NPC1: variants seen among roughly 807,000 people sequenced by gnomAD.
NPC1 encodes the protein Niemann-Pick C1 protein.
Under a neutral mutation model 140.4 loss-of-function variants are expected in NPC1, and 85 were observed. The observed-to-expected ratio is 0.61, with a 90% CI of 0.51 to 0.72. The LOEUF (loss-of-function observed/expected upper bound fraction) is 0.72. Ranked by LOEUF, NPC1 falls within the 30% of genes least tolerant of loss-of-function variation. NPC1 has a pLI of 0.00. For synonymous variants in NPC1, 656 were observed against 624.8 expected (o/e 1.05, Z -0.74); for missense variants, 1,504 against 1,623.8 (o/e 0.93, Z 1.27).
intron 3 of NPC1, chr18:23,508,186 G>A (rs1387086704): frequency 3.0e-6 from 2 of 663,620 alleles, no homozygotes; most frequent in Non-Finnish European, 2.4e-6. Flanking sequence ...GGAGTCAGGC[G>A]GGGTGTTTGC....
chr18:23,562,401 A>C (rs1411625999), intron 4 of NPC1, among the ~76,000 whole-genome samples: 1 of 151,998 alleles, frequency 6.6e-6, no homozygotes, highest in Non-Finnish European at 1.5e-5. Context: ...AGTGTATTAC[A>C]CCTAAGAAAA....
intron 3 of NPC1, among the ~76,000 whole-genome samples, chr18:23,571,303 G>A (rs903151226): frequency 2.6e-5 from 4 of 151,888 alleles, no homozygotes; most frequent in Non-Finnish European, 4.4e-5. Flanking sequence ...GGCTAAGGTG[G>A]GAGGATCATT....
chr18:23,514,173 C>T (rs2057936736), intron 3 of NPC1, among the ~76,000 whole-genome samples: 1 of 152,160 alleles, frequency 6.6e-6, no homozygotes. Flanking sequence ...AGAAAATACA[C>T]CTGTGTGTTA....
At chr18:23,544,139 A>C (rs543566013) in intron 13 of NPC1, among the ~76,000 whole-genome samples, 1 of 152,204 alleles carries the variant, frequency 6.6e-6, no homozygotes, top group African/African-American at 2.4e-5. Flanking sequence ...TTCTTACTTT[A>C]TATCTACTAT....
At chr18:23,563,078 T>C (rs970828719) in intron 4 of NPC1, among the ~76,000 whole-genome samples, 1 of 152,238 alleles carries the variant, frequency 6.6e-6, no homozygotes, top group African/African-American at 2.4e-5. Flanking sequence ...GAACTGTCTC[T>C]ATTTATCTGA....
Position 23,544,944 on chromosome 18 carries a change from C to CCCCG in NPC1, c.1947+15_1947+16insCGGG, listed in dbSNP as rs1555634625. On this transcript the variant is annotated intron_variant, in intron 12 of 24. Coordinates refer to ENST00000269228, the MANE Select transcript of NPC1 (RefSeq NM_000271.5). ...CTGTTAACCTCTAGAACATACACCACCCCCCCCCGGCTTACCAGAAGCCTG... is the reference window on the plus strand; with the variant it reads ...CTGTTAACCTCTAGAACATACACCACCCCGCCCCCCCCGGCTTACCAGAAGCCTG... 15 of 850,774 alleles carry CCCCG rather than the reference C, an allele frequency of 1.8e-5. 2 individuals carry two copies. The East Asian group carries it at 2.4e-4, about 13-fold the overall frequency. The allele number at this position is 850,774 out of a possible 1,614,324, so 52.7% of individuals were successfully genotyped here. A position where few individuals can be genotyped will look rare whatever the true frequency, so the allele number is the denominator to read the frequency against.
intron 10 of NPC1, among the ~76,000 whole-genome samples, chr18:23,550,102 C>T (rs2058847229): frequency 6.6e-6 from 1 of 151,774 alleles, no homozygotes; most frequent in Non-Finnish European, 1.5e-5. Context: ...GCCTCAACCT[C>T]CTGGGCTCAA....
chr18:23,569,810 C>T (rs1431274335), intron 3 of NPC1, among the ~76,000 whole-genome samples: 1 of 152,200 alleles, frequency 6.6e-6, no homozygotes, highest in Non-Finnish European at 1.5e-5. Flanking sequence ...TTCAGGAGCA[C>T]ACAACTGCAC....
At chr18:23,525,724 A>G (rs965215052), downstream of NPC1, among the ~76,000 whole-genome samples, 3 of 152,056 alleles carry the variant, frequency 2.0e-5, no homozygotes, top group African/African-American at 2.4e-5. Flanking sequence ...CAGCCGGCCT[A>G]TAATTTTTTT....
At chr18:23,518,377 A>G (rs549334425), downstream of NPC1, among the ~76,000 whole-genome samples, 10 of 152,220 alleles carry the variant, frequency 6.6e-5, no homozygotes, top group African/African-American at 1.9e-4. Context: ...ATGTAGTCCT[A>G]GCTACTGGGG....
intron 11 of NPC1, 55 bp downstream of exon 11, chr18:23,547,951 G>C: frequency 9.8e-7 from 1 of 1,019,712 alleles, no homozygotes; most frequent in Non-Finnish European, 1.6e-6. Flanking sequence ...CTTGCCGCAA[G>C]TGTCTAGCTT....
intron 3 of NPC1, among the ~76,000 whole-genome samples, chr18:23,514,919 A>G (rs907209165): frequency 1.3e-5 from 2 of 152,178 alleles, no homozygotes; most frequent in Non-Finnish European, 2.9e-5. Flanking sequence ...GGCTCTGTAC[A>G]GTGTTCTGTA....
intron 4 of NPC1, among the ~76,000 whole-genome samples, chr18:23,561,745 A>G (rs1419421802): frequency 6.6e-6 from 1 of 152,218 alleles, no homozygotes; most frequent in African/African-American, 2.4e-5. Flanking sequence ...AAGTAACTTA[A>G]AAGTAAAAAA....
chr18:23,554,832 G>A lies in NPC1; in HGVS notation c.1479C>T (p.Ser493=), dbSNP rs148078801. ...CGTCCCCTTTCTTGTGGTCCAGCAC[G>A]GAATGGCTGTTCTGGAAGTAATTTA... ...SVLNYFQNSH[S]VLDHKKGDDF... Residue 493 remains serine (S), a synonymous_variant, in exon 9 of 25, where the codon TCC becomes TCT. Coordinates refer to ENST00000269228, the MANE Select transcript of NPC1 (RefSeq NM_000271.5). 66 of 1,613,986 alleles carry A rather than the reference G, an allele frequency of 4.1e-5. No homozygotes were observed. The highest frequency in any genetic ancestry group is 4.9e-5 in the Non-Finnish European group (58 of 1,179,996).
At chr18:23,525,029 C>G (rs1435485866), downstream of NPC1, among the ~76,000 whole-genome samples, 1 of 148,646 alleles carries the variant, frequency 6.7e-6, no homozygotes, top group Non-Finnish European at 1.5e-5. Flanking sequence ...TCACTGCAAC[C>G]TCCGCCTCCC....
At chr18:23,529,170 T>C (rs372218285), downstream of NPC1, 1 of 1,606,896 alleles carries the variant, frequency 6.2e-7, no homozygotes, top group Non-Finnish European at 8.5e-7. Flanking sequence ...TGTGGTTTTT[T>C]TCTTTCAGGC....
chr18:23,574,844 T>A (rs145850959), intron 1 of NPC1, among the ~76,000 whole-genome samples: 3 of 152,304 alleles, frequency 2.0e-5, no homozygotes, highest in Admixed American at 6.5e-5. Flanking sequence ...ACTATTTTTA[T>A]ATAAAGAGAA....
In NPC1 at chr18:23,507,010, T is replaced by C. The variant is rs757571809; in HGVS notation, c.432-368A>G. On this transcript the variant is annotated intron_variant, in intron 3 of 3. Transcript: ENST00000591107. ...AGAAGTGAAGTGCATTAAGTTTTCC[T>C]TAGAAAATAAGATATTGGCTGTTCA... The C allele has an allele frequency of 2.5e-6, 4 of 1,609,658 alleles. No homozygotes were observed. In the African/African-American group the frequency reaches 5.3e-5, roughly 22 times the overall value.
chr18:23,533,102 C>T (rs904013811), intron 24 of NPC1: 211 of 630,684 alleles, frequency 3.3e-4, no homozygotes, highest in Non-Finnish European at 5.0e-4. Flanking sequence ...GGACTGGCTC[C>T]AGGCCTTTGT....
Sources: gnomAD v4.1 joint callset for allele counts (sites outside exome capture counted in the v4.1 genomes callset) on GRCh38, gnomAD v4.1.1 for gene constraint, MANE v1.5 for transcripts, NCBI Gene and HGNC (gene_info 2026-07-23, HGNC 2026-07-21) for gene names.